Variants in STK3 observed in about 807,000 individuals in gnomAD.
STK3 encodes serine/threonine-protein kinase 3.
In STK3, 41 loss-of-function variants were observed where a neutral mutation model predicts 58.0. The observed-to-expected ratio is 0.71, with a 90% CI of 0.55 to 0.92. The LOEUF (loss-of-function observed/expected upper bound fraction) is 0.92. Ranked by LOEUF, STK3 falls within the 40% of genes least tolerant of loss-of-function variation. STK3 has a pLI of 0.00. For synonymous variants in STK3, 170 were observed against 191.0 expected (o/e 0.89, Z 0.91); for missense variants, 479 against 602.7 (o/e 0.79, Z 2.15).
chr8:98,601,668 A>C (rs1317714062), intron 6 of STK3: 2 of 152,230 alleles, frequency 1.3e-5, no homozygotes, highest in Non-Finnish European at 2.9e-5. Context: ...ACTTAGCCCA[A>C]ATAGGTATGT....
upstream of STK3, among the ~76,000 whole-genome samples, chr8:98,392,931 G>A (rs1420797138): frequency 1.3e-5 from 2 of 152,162 alleles, no homozygotes. Context: ...CTTCAGTTCA[G>A]AAAGGGAGGC....
At position 98,560,443 on chromosome 8, in the gene STK3, T is replaced by TA. The variant is rs201078251; in HGVS notation, c.949-12283dup. Reference sequence around the variant, plus strand: ...GCAATAAATGACTGAAATTTGAAATTAAAAAAAATTTCAACAGAAAAAAAA... The same window carrying TA: ...GCAATAAATGACTGAAATTTGAAATTAAAAAAAAATTTCAACAGAAAAAAAA... On this transcript the variant is annotated intron_variant, in intron 8 of 10. Coordinates refer to ENST00000419617, the MANE Select transcript of STK3 (RefSeq NM_006281.4). Among the ~76,000 whole-genome samples, 1,118 of 151,580 alleles carry TA rather than the reference T, an allele frequency of 7.4e-3. 21 individuals are homozygous for TA. In the East Asian group the frequency reaches 0.079, roughly 11 times the overall value.
At chr8:98,550,820 C>T (rs28725479) in intron 8 of STK3, among the ~76,000 whole-genome samples, 3,295 of 152,234 alleles carry the variant, frequency 0.022, 50 homozygotes, top group Non-Finnish European at 0.035. Flanking sequence ...AAGCAAAATG[C>T]CTGCATGCTA....
intron 2 of STK3, among the ~76,000 whole-genome samples, chr8:98,771,379 AT>A (rs1287557044): frequency 6.6e-6 from 1 of 152,180 alleles, no homozygotes; most frequent in Non-Finnish European, 1.5e-5. Context: ...CATTTTGGCT[AT>A]TGTAAATAAT....
At chr8:98,925,421 C>T (rs1477087022) in intron 1 of STK3, among the ~76,000 whole-genome samples, 1 of 152,220 alleles carries the variant, frequency 6.6e-6, no homozygotes, top group African/African-American at 2.4e-5. Context: ...CTCCCAAGAT[C>T]ATGGAGCAGA....
chr8:98,853,557 T>C (rs1392015163), intron 3 of STK3, among the ~76,000 whole-genome samples: 2 of 152,234 alleles, frequency 1.3e-5, no homozygotes, highest in Non-Finnish European at 2.9e-5. Flanking sequence ...ACTTCTCTGC[T>C]AATGCACATT....
intron 1 of STK3, among the ~76,000 whole-genome samples, chr8:98,918,508 C>G (rs957485578): frequency 6.6e-6 from 1 of 152,076 alleles, no homozygotes; most frequent in Non-Finnish European, 1.5e-5. Flanking sequence ...GGTGGCTTAT[C>G]CCTGTAATCC....
the STK3 span, among the ~76,000 whole-genome samples, chr8:98,347,530 A>G: frequency 7.0e-6 from 1 of 143,058 alleles, no homozygotes; most frequent in Admixed American, 6.8e-5. Flanking sequence ...AAAACAAAAA[A>G]AACCAAAAAA....
chr8:98,426,137 C>A (rs1411564627), intron 3 of STK3, among the ~76,000 whole-genome samples: 1 of 152,208 alleles, frequency 6.6e-6, no homozygotes, highest in African/African-American at 2.4e-5. Context: ...TTGAACCCCC[C>A]AGTCCCCACT....
intron 6 of STK3, among the ~76,000 whole-genome samples, chr8:98,630,744 G>A (rs1267867130): frequency 1.3e-5 from 2 of 150,768 alleles, no homozygotes; most frequent in East Asian, 2.0e-4. Context: ...AGGAGAAGAA[G>A]GATAAGGAGA....
intron 6 of STK3, among the ~76,000 whole-genome samples, chr8:98,697,969 A>C (rs1339537031): frequency 6.6e-6 from 1 of 152,128 alleles, no homozygotes; most frequent in Admixed American, 6.5e-5. Flanking sequence ...GGGGTGTTAA[A>C]GTCTCCCATT....
At chr8:98,722,465 T>C (rs1476430802) in intron 4 of STK3, among the ~76,000 whole-genome samples, 4 of 152,194 alleles carry the variant, frequency 2.6e-5, no homozygotes, top group African/African-American at 7.2e-5. Flanking sequence ...TAAGAACGTA[T>C]ACTTAGTGGA....
intron 6 of STK3, among the ~76,000 whole-genome samples, chr8:98,683,286 G>GA (rs2130907415): frequency 6.6e-6 from 1 of 152,114 alleles, no homozygotes; most frequent in South Asian, 2.1e-4. Context: ...TTTCAAGTTG[G>GA]ATTTGATTAG....
chr8:98,671,807 A>G (rs1822852170), intron 6 of STK3, among the ~76,000 whole-genome samples: 1 of 152,098 alleles, frequency 6.6e-6, no homozygotes. Context: ...TCCCCACCCA[A>G]ATCTTACCTT....
At chr8:98,569,880 G>T (rs1812820154) in intron 8 of STK3, among the ~76,000 whole-genome samples, 1 of 147,324 alleles carries the variant, frequency 6.8e-6, no homozygotes, top group African/African-American at 2.5e-5. Context: ...ATAAGTAAAT[G>T]TTCTTTACTG....
intron 10 of STK3, among the ~76,000 whole-genome samples, chr8:98,469,258 CG>C (rs1446206925): frequency 1.8e-4 from 10 of 56,742 alleles, no homozygotes; most frequent in East Asian, 1.5e-3. Flanking sequence ...TTTGCGGGGG[CG>C]GGGGGGCGGT....
chr8:98,396,824 A>G (rs1817900334), downstream of STK3, among the ~76,000 whole-genome samples: 1 of 152,228 alleles, frequency 6.6e-6, no homozygotes, highest in African/African-American at 2.4e-5. Flanking sequence ...AACTTCACAC[A>G]TGACTGCACA....
At chr8:98,427,841 C>T (rs1173461585) in intron 3 of STK3, 1 of 671,838 alleles carries the variant, frequency 1.5e-6, no homozygotes, top group African/African-American at 1.8e-5. Context: ...GCACCCAAGA[C>T]CCACCAGGAG....
intron 10 of STK3, among the ~76,000 whole-genome samples, chr8:98,525,090 TA>T (rs1402056346): frequency 6.6e-6 from 1 of 152,116 alleles, no homozygotes; most frequent in African/African-American, 2.4e-5. Context: ...TACTCAGCCA[TA>T]AAAAAGAATA....
Sources: allele counts gnomAD v4.1 joint callset (sites outside exome capture counted in the v4.1 genomes callset), GRCh38; gene constraint gnomAD v4.1.1; transcripts MANE v1.5; gene names NCBI Gene and HGNC (gene_info 2026-07-23, HGNC 2026-07-21).